WWP1: variants seen among roughly 807,000 people sequenced by gnomAD.
WWP1 encodes the protein WW domain containing E3 ubiquitin protein ligase 1, also known as NEDD4-like E3 ubiquitin-protein ligase WWP1.
WWP1 carries 49 observed loss-of-function variants against 130.6 expected under a neutral mutation model. That is an observed-to-expected ratio of 0.38 (90% CI 0.30 to 0.48). The LOEUF is 0.48. WWP1 is among the 20% of genes least tolerant of loss of function. The pLI is 0.99. For synonymous variants in WWP1, 332 were observed against 367.8 expected, an observed-to-expected ratio of 0.90 and a Z score of 1.11; for missense variants, 809 against 1,100.6, an observed-to-expected ratio of 0.74 and a Z score of 3.75.
chr8:86,408,058 C>T (rs1348428355), intron 8 of WWP1, among the ~76,000 whole-genome samples: 2 of 152,036 alleles, frequency 1.3e-5, no homozygotes, highest in Admixed American at 6.6e-5. Flanking sequence ...ATTTGTTTAT[C>T]CCTCAAACCC....
chr8:86,456,972 ATTGTT>A (rs1485397305), intron 21 of WWP1, among the ~76,000 whole-genome samples: 2 of 151,974 alleles, frequency 1.3e-5, no homozygotes, highest in African/African-American at 4.8e-5. Context: ...GATGAGGATG[ATTGTT>A]TTGATTACAA....
rs776185929 is a variant in WWP1, at chr8:86,468,146, C to G, written c.*1253C>G. On this transcript the variant is annotated 3_prime_UTR_variant, in exon 25 of 25. Coordinates refer to ENST00000517970, the MANE Select transcript of WWP1 (RefSeq NM_007013.4). ...ATTTTAAATTTCCATTTGTATCATGCTTTTAATATGCACTGTAAATTTCAT... is the reference window on the plus strand; with the variant it reads ...ATTTTAAATTTCCATTTGTATCATGGTTTTAATATGCACTGTAAATTTCAT... 12 of 192,460 alleles carry G rather than the reference C, an allele frequency of 6.2e-5. No homozygotes were observed. The highest frequency in any genetic ancestry group is 1.3e-4 in the Non-Finnish European group (12 of 92,354). 11.9% of individuals were successfully genotyped at this position (192,460 alleles called of 1,614,324 possible).
rs59506795 is a variant in WWP1, at chr8:86,460,790, C to CTTTTTTTTTTTTT, written c.2500-409_2500-397dup. 1.4e-4 allele frequency among the ~76,000 whole-genome samples: 9 copies of CTTTTTTTTTTTTT among 62,404 alleles called. 1 individual carries two copies. The highest frequency in any genetic ancestry group is 2.4e-3 in the South Asian group (2 of 832). The allele number at this position is 62,404 out of a possible 152,430, so 40.9% of individuals were successfully genotyped here. On this transcript the variant is annotated intron_variant, in intron 22 of 24. Transcript: ENST00000517970. ...ACCCTACAACCTCTTTTTAGCACAT[C>CTTTTTTTTTTTTT]TTTTTTTTTTTTTTTTTTTTTTTTT...
chr8:86,414,221 G>A (rs1369406787), intron 9 of WWP1, among the ~76,000 whole-genome samples: 1 of 97,952 alleles, frequency 1.0e-5, no homozygotes, highest in East Asian at 2.2e-4. Flanking sequence ...CTGAAAGTTT[G>A]TTTTTCTGTG....
chr8:86,382,583 C>T (rs1336463588), intron 5 of WWP1, among the ~76,000 whole-genome samples: 1 of 152,158 alleles, frequency 6.6e-6, no homozygotes, highest in Non-Finnish European at 1.5e-5. Flanking sequence ...CCTGTTGTCC[C>T]AGCTACTTGG....
At chr8:86,418,014 A>T (rs570530442) in intron 9 of WWP1, among the ~76,000 whole-genome samples, 2 of 152,208 alleles carry the variant, frequency 1.3e-5, no homozygotes, top group Non-Finnish European at 2.9e-5. Context: ...ATAAAAGTGG[A>T]TGAAGAGGCT....
chr8:86,376,351 G>A (rs1037589170), intron 3 of WWP1, among the ~76,000 whole-genome samples: 1 of 151,928 alleles, frequency 6.6e-6, no homozygotes, highest in Non-Finnish European at 1.5e-5. Context: ...GGTGGATCAC[G>A]TGAGGCCAGG....
chr8:86,350,586 G>A (rs140493413), intron 1 of WWP1, among the ~76,000 whole-genome samples: 475 of 152,268 alleles, frequency 3.1e-3, no homozygotes, highest in Admixed American at 5.2e-3. Context: ...GGAAAGGCCA[G>A]GGCACAAAGA....
chr8:86,454,811 A>G (rs916630856), intron 21 of WWP1, among the ~76,000 whole-genome samples: 53 of 152,204 alleles, frequency 3.5e-4, no homozygotes, highest in African/African-American at 1.2e-3. Flanking sequence ...TGGGAAGGCC[A>G]TATGATACCT....
At chr8:86,437,904 A>G (rs191022046) in intron 16 of WWP1, among the ~76,000 whole-genome samples, 4 of 152,242 alleles carry the variant, frequency 2.6e-5, no homozygotes, top group Admixed American at 1.3e-4. Flanking sequence ...GGTTCACACC[A>G]TTCTCCTGCC....
Position 86,436,731 on chromosome 8 carries a change from A to G in WWP1, c.1749+1027A>G, listed in dbSNP as rs141408715. Among the ~76,000 whole-genome samples the G allele has an allele frequency of 3.9e-5, 6 of 152,326 alleles. No individual in the cohort carries two copies. In the East Asian group the frequency reaches 5.8e-4, roughly 15 times the overall value. On this transcript the variant is annotated intron_variant, in intron 16 of 24. Transcript: ENST00000517970. ...ATACTGTATTGTCAGTTTTTGCCCA[A>G]TGAAGTGGAGAATTTTTCATAATGA... is the stretch of plus-strand genomic sequence containing the variant.
At chr8:86,422,319 GTATT>G (rs55854341) in intron 9 of WWP1, among the ~76,000 whole-genome samples, 14,846 of 147,854 alleles carry the variant, frequency 0.1, 839 homozygotes, top group East Asian at 0.17. Context: ...GTACCAGTTT[GTATT>G]TATTTATTTA....
At chr8:86,346,651 CAT>C (rs1822601773) in intron 1 of WWP1, among the ~76,000 whole-genome samples, 1 of 152,104 alleles carries the variant, frequency 6.6e-6, no homozygotes, top group South Asian at 2.1e-4. Context: ...AATAGGTAAT[CAT>C]AGCATGTTAT....
At chr8:86,461,374 C>T in intron 23 of WWP1, 54 bp downstream of exon 23, 5 of 1,429,502 alleles carry the variant, frequency 3.5e-6, no homozygotes, top group Non-Finnish European at 3.9e-6. Context: ...ATAATAATGG[C>T]CTTTGGACAT....
At chr8:86,389,310 C>T (rs1023891347) in intron 5 of WWP1, among the ~76,000 whole-genome samples, 9 of 152,072 alleles carry the variant, frequency 5.9e-5, no homozygotes, top group Admixed American at 1.3e-4. Context: ...TGCGGCCTTC[C>T]GCAGTGTTTG....
At chr8:86,380,612 C>T in intron 3 of WWP1, 114 bp from the exon 4 acceptor site, 1 of 1,179,098 alleles carries the variant, frequency 8.5e-7, no homozygotes, top group Non-Finnish European at 1.1e-6. Context: ...TTCATTCTGC[C>T]AACGAGAAGA....
At chr8:86,369,496 G>T (rs1273311679) in intron 2 of WWP1, among the ~76,000 whole-genome samples, 1 of 152,052 alleles carries the variant, frequency 6.6e-6, no homozygotes, top group Non-Finnish European at 1.5e-5. Flanking sequence ...ATAGATTGGG[G>T]GTGGGGATCA....
intron 1 of WWP1, among the ~76,000 whole-genome samples, chr8:86,350,441 A>G (rs537118554): frequency 6.6e-6 from 1 of 152,338 alleles, no homozygotes; most frequent in South Asian, 2.1e-4. Context: ...TTTTTGAAGC[A>G]TTTCATGTAC....
intron 1 of WWP1, among the ~76,000 whole-genome samples, chr8:86,359,788 G>A (rs1299648475): frequency 6.6e-6 from 1 of 151,900 alleles, no homozygotes; most frequent in Non-Finnish European, 1.5e-5. Flanking sequence ...AGTGGCTCAC[G>A]CCTGTAATCC....
Sources: allele counts gnomAD v4.1 joint callset (sites outside exome capture counted in the v4.1 genomes callset), GRCh38; gene constraint gnomAD v4.1.1; transcripts MANE v1.5; gene names NCBI Gene and HGNC (gene_info 2026-07-23, HGNC 2026-07-21).